TTLL9: variants seen among roughly 807,000 people sequenced by gnomAD.
TTLL9 encodes probable tubulin polyglutamylase TTLL9.
Under a neutral mutation model 65.6 loss-of-function variants are expected in TTLL9, and 47 were observed. The observed-to-expected ratio is 0.72, with a 90% CI of 0.57 to 0.91. The LOEUF (loss-of-function observed/expected upper bound fraction) is 0.91, where lower values mean the gene tolerates loss of function less well. TTLL9 is among the 40% of genes least tolerant of loss of function. The pLI is 0.00. For synonymous variants in TTLL9, 179 were observed against 204.8 expected (o/e 0.87, Z 1.07); for missense variants, 537 against 568.8 (o/e 0.94, Z 0.57).
chr20:31,923,924 C>T (rs2063853319), intron 8 of TTLL9, among the ~76,000 whole-genome samples: 2 of 152,126 alleles, frequency 1.3e-5, no homozygotes, highest in Non-Finnish European at 2.9e-5. Flanking sequence ...CCCCTGAACC[C>T]CAGATCCTTA....
rs1354782693 is a variant in TTLL9, at chr20:31,943,079, CT to C, written c.*59del. Reference sequence around the variant, plus strand: ...AGGTGCCACCCAGGCCTCCCCCCCACTCCCAGATCCCAGCACAGCACCTCAC... The same window carrying C: ...AGGTGCCACCCAGGCCTCCCCCCCACCCCAGATCCCAGCACAGCACCTCAC... On this transcript the variant is annotated 3_prime_UTR_variant, in exon 15 of 15. Transcript: ENST00000535842. The C allele has an allele frequency of 1.3e-6, 2 of 1,496,446 alleles. No homozygotes were observed. Among genetic ancestry groups the C allele is most frequent in the Non-Finnish European group, 1.9e-6 (2 of 1,076,110 alleles). 92.7% of individuals were successfully genotyped at this position (1,496,446 alleles called of 1,614,324 possible). A position where few individuals can be genotyped will look rare whatever the true frequency, so the allele number is the denominator to read the frequency against.
At chr20:31,910,014 C>A in intron 6 of TTLL9, 92 bp downstream of exon 6, 1 of 1,298,026 alleles carries the variant, frequency 7.7e-7, no homozygotes, top group Non-Finnish European at 1.1e-6. Context: ...GGAATTCAGC[C>A]TTAGATGCTG....
At chr20:31,909,671 T>TGGGGCTGGGAGGGGAGC in intron 5 of TTLL9, 66 bp from the exon 6 acceptor site, 1 of 1,503,620 alleles carries the variant, frequency 6.7e-7, no homozygotes, top group Non-Finnish European at 9.1e-7. Context: ...GGTGGATGTG[T>TGGGGCTGGGAGGGGAGC]GGGGCTGGGA....
At chr20:31,894,339 C>A (rs1379987109) in intron 3 of TTLL9, among the ~76,000 whole-genome samples, 1 of 151,914 alleles carries the variant, frequency 6.6e-6, no homozygotes, top group Non-Finnish European at 1.5e-5. Context: ...CCTGGGTGAT[C>A]CTGCCACCTC....
chr20:31,908,606 T>G lies in TTLL9; in HGVS notation c.222T>G (p.Asp74Glu), dbSNP rs1347590394. The G allele has an allele frequency of 1.9e-6, 3 of 1,613,380 alleles. No individual in the cohort carries two copies. In the African/African-American group the frequency reaches 4.0e-5, roughly 22 times the overall value. Residue 74 changes from aspartate to glutamate, a missense_variant, in exon 5 of 15, where the codon GAT (aspartate) becomes GAG (glutamate). By Grantham distance (45) the Asp-to-Glu change is conservative. Around this residue, in one of 3 missense-constraint regions of TTLL9, gnomAD observed 320 missense variants for 311.0 expected, o/e 1.03. Transcript: ENST00000535842. Reference protein sequence around the residue: ...WVEVKDEGEWDFYWCDVSWLR... With the variant: ...WVEVKDEGEWEFYWCDVSWLR... ...CCACCCCCAGCGAAGGGGAGTGGGA[T>G]TTCTACTGGTGTGACGTCAGCTGGC...
intron 4 of TTLL9, among the ~76,000 whole-genome samples, chr20:31,904,899 C>T (rs550910895): frequency 1.3e-5 from 2 of 152,250 alleles, no homozygotes; most frequent in Non-Finnish European, 2.9e-5. Flanking sequence ...GGCAAGGTCA[C>T]GTAGTGCCAG....
At chr20:31,890,154 C>CTTCCTTCCTTTCT (rs2063281386) in intron 3 of TTLL9, among the ~76,000 whole-genome samples, 1 of 13,576 alleles carries the variant, frequency 7.4e-5, no homozygotes, top group African/African-American at 6.9e-4. Context: ...TCCTTCCTTC[C>CTTCCTTCCTTTCT]TTCTTTCTTT....
At chr20:31,900,789 G>C (rs1009108424) in intron 4 of TTLL9, among the ~76,000 whole-genome samples, 1 of 152,146 alleles carries the variant, frequency 6.6e-6, no homozygotes, top group African/African-American at 2.4e-5. Context: ...AGCAGGTGGG[G>C]GTGGTGTAGG....
intron 2 of TTLL9, chr20:31,879,822 GA>G: frequency 6.5e-7 from 1 of 1,548,974 alleles, no homozygotes; most frequent in Non-Finnish European, 8.7e-7. Flanking sequence ...TTGGCAACGG[GA>G]CGCATAAGCA....
chr20:31,941,130 T>G (rs568314735), intron 14 of TTLL9: 4 of 148,394 alleles, frequency 2.7e-5, no homozygotes, highest in Non-Finnish European at 5.9e-5. Flanking sequence ...GGCAGGAGAA[T>G]GGCGTGAACC....
intron 3 of TTLL9, among the ~76,000 whole-genome samples, chr20:31,887,915 A>T (rs6061018): frequency 6.1e-5 from 9 of 148,164 alleles, no homozygotes; most frequent in African/African-American, 1.0e-4. Context: ...TTTGAGTTTC[A>T]CTCTTGTTAC....
At chr20:31,920,225 ACG>A (rs1276063754) in intron 7 of TTLL9, among the ~76,000 whole-genome samples, 1 of 103,226 alleles carries the variant, frequency 9.7e-6, no homozygotes, top group African/African-American at 4.1e-5. Context: ...ATAAGCAAAC[ACG>A]CGCACACACA....
At chr20:31,921,421 C>T (rs1188135468) in intron 7 of TTLL9, among the ~76,000 whole-genome samples, 2 of 152,168 alleles carry the variant, frequency 1.3e-5, no homozygotes, top group Admixed American at 6.5e-5. Context: ...GTGGTGATTC[C>T]TCAGGGATCT....
chr20:31,926,724 A>T (rs2063911923), intron 10 of TTLL9, among the ~76,000 whole-genome samples: 1 of 152,232 alleles, frequency 6.6e-6, no homozygotes, highest in South Asian at 2.1e-4. Context: ...ATGTACTGAT[A>T]TGAAACAATT....
chr20:31,911,407 A>G (rs866825539), intron 6 of TTLL9, among the ~76,000 whole-genome samples: 8 of 152,264 alleles, frequency 5.3e-5, no homozygotes, highest in African/African-American at 1.9e-4. Context: ...GGAGCTGAAG[A>G]CTGGTGTCTG....
intron 3 of TTLL9, among the ~76,000 whole-genome samples, chr20:31,889,118 T>G (rs772581646): frequency 4.6e-5 from 7 of 152,144 alleles, no homozygotes; most frequent in Non-Finnish European, 8.8e-5. Flanking sequence ...AGGGCACATA[T>G]AGATATGTGT....
Position 31,909,794 on chromosome 20 carries a change from C to T in TTLL9, c.376C>T (p.Arg126Cys), listed in dbSNP as rs759811322. 6.8e-6 allele frequency: 11 copies of T among 1,614,024 alleles called. No homozygotes were observed. Among genetic ancestry groups the T allele is most frequent in the African/African-American group, 4.0e-5 (3 of 74,912 alleles). Residue 126 changes from arginine to cysteine, a missense_variant, in exon 6 of 15, where the codon CGT (arginine) becomes TGT (cysteine). By Grantham distance (180) the Arg-to-Cys change is radical. Around this residue, in one of 3 missense-constraint regions of TTLL9, gnomAD observed 320 missense variants for 311.0 expected, o/e 1.03. Coordinates refer to ENST00000535842, the MANE Select transcript of TTLL9 (RefSeq NM_001008409.5). ...GAAGCGGTTCCGGAAGCAGCTGGAG[C>T]GTGAGGCAGGAAAGCTGGAGGCAGC... The part of the protein sequence containing the change: ...NLKRFRKQLE[R>C]EAGKLEAAKC...
In TTLL9 at chr20:31,922,978, G is replaced by T. The variant is rs756652435; in HGVS notation, c.589G>T (p.Asp197Tyr). The T allele has an allele frequency of 1.2e-6, 2 of 1,613,818 alleles. No homozygotes were observed. The highest frequency in any genetic ancestry group is 4.5e-5 in the East Asian group (2 of 44,884). ...VDWRKDTRSSDDQKDDIPVEN... is the reference protein window; with the variant it reads ...VDWRKDTRSSYDQKDDIPVEN... ...TTACAACTAGGACACAAGAAGCTCT[G>T]ACGACCAGAAAGATGATATTCCCGT... Residue 197 changes from aspartate to tyrosine, a missense_variant, in exon 8 of 15, where the codon GAC becomes TAC. Around this residue, in one of 3 missense-constraint regions of TTLL9, gnomAD observed 320 missense variants for 311.0 expected, o/e 1.03. Transcript: ENST00000535842.
At chr20:31,891,089 G>T (rs1451299275) in intron 3 of TTLL9, among the ~76,000 whole-genome samples, 3 of 152,196 alleles carry the variant, frequency 2.0e-5, no homozygotes, top group Non-Finnish European at 4.4e-5. Context: ...GCTAGGACAG[G>T]TTGCTGAGTT....
Sources: allele counts gnomAD v4.1 joint callset (sites outside exome capture counted in the v4.1 genomes callset), GRCh38; gene constraint gnomAD v4.1.1; regional missense constraint gnomAD v4.1.1; transcripts MANE v1.5; gene names NCBI Gene and HGNC (gene_info 2026-07-23, HGNC 2026-07-21).